Variants in SLC19A1 observed in about 807,000 individuals in gnomAD.
SLC19A1 encodes solute carrier family 19 member 1.
In SLC19A1, 37 loss-of-function variants were observed where a neutral mutation model predicts 35.3. That is an observed-to-expected ratio of 1.05 (90% CI 0.81 to 1.38). The LOEUF (loss-of-function observed/expected upper bound fraction) is 1.38, where lower values mean the gene tolerates loss of function less well. Among genes scored for constraint, SLC19A1 ranks in the 40% most tolerant of loss-of-function variants. SLC19A1 has a pLI of 0.00. For missense variants in SLC19A1, 831 were observed against 826.9 expected (o/e 1.00, Z -0.06); for synonymous variants, 460 against 398.5 (o/e 1.15, Z -1.84).
chr21:45,512,304 T>A (rs1568957369), downstream of SLC19A1: 2 of 1,612,376 alleles, frequency 1.2e-6, no homozygotes, highest in Admixed American at 3.3e-5. Flanking sequence ...TCCTCGCTGC[T>A]GGGGGGCAGG....
intron 5 of SLC19A1, among the ~76,000 whole-genome samples, chr21:45,520,152 C>T (rs1244075014): frequency 2.6e-5 from 4 of 151,990 alleles, no homozygotes; most frequent in African/African-American, 4.8e-5. Context: ...AAAACACAGC[C>T]TATTAAGATT....
intron 3 of SLC19A1, among the ~76,000 whole-genome samples, chr21:45,504,752 C>G (rs1481702265): frequency 6.6e-6 from 1 of 152,114 alleles, no homozygotes. Flanking sequence ...CCCGGACACC[C>G]CCCGTCCCCC....
In SLC19A1 at chr21:45,534,641, GCAGAGCTCCCCCTTGGCAGCCACC is replaced by G. The variant is rs763557045; in HGVS notation, c.190-2517_190-2494del. 1 of 1,529,922 alleles carries G rather than the reference GCAGAGCTCCCCCTTGGCAGCCACC, an allele frequency of 6.5e-7. No homozygotes were observed. The highest frequency in any genetic ancestry group is 1.2e-5 in the South Asian group (1 of 83,920). The allele number at this position is 1,529,922 out of a possible 1,614,324, so 94.8% of individuals were successfully genotyped here. A position where few individuals can be genotyped will look rare whatever the true frequency, so the allele number is the denominator to read the frequency against. On this transcript the variant is annotated intron_variant, in intron 2 of 5. Coordinates refer to ENST00000311124, the MANE Select transcript of SLC19A1 (RefSeq NM_194255.4). This position sits in a 1 kb window ranked among gnomAD's most constrained non-coding sequence, Gnocchi z 4.2. ...CCTGGTCTTAGTTGAGGGTCTGAGCGCAGAGCTCCCCCTTGGCAGCCACCCAGAGCCCTCCCGCTCCTCTCCCTG... is the reference window on the plus strand; with the variant it reads ...CCTGGTCTTAGTTGAGGGTCTGAGCGCAGAGCCCTCCCGCTCCTCTCCCTG...
Position 45,517,043 on chromosome 21 carries a change from C to T in SLC19A1, c.1294-903G>A, listed in dbSNP as rs563937253. Reference sequence around the variant, plus strand: ...GAGGAGGACAGACTGACCAGGCCCTCGGGGTCTGGGGAGCTGTGCCACACA... The same window carrying T: ...GAGGAGGACAGACTGACCAGGCCCTTGGGGTCTGGGGAGCTGTGCCACACA... On this transcript the variant is annotated intron_variant, in intron 5 of 5. Coordinates refer to ENST00000311124, the MANE Select transcript of SLC19A1 (RefSeq NM_194255.4). This position sits in a 1 kb window ranked among gnomAD's most constrained non-coding sequence, Gnocchi z 4.4. Among the ~76,000 whole-genome samples, 2 of 152,064 alleles carry T rather than the reference C, an allele frequency of 1.3e-5. No homozygotes were observed. Among genetic ancestry groups the T allele is most frequent in the Non-Finnish European group, 2.9e-5 (2 of 67,984 alleles).
chr21:45,518,507 C>T (rs2038078076), intron 5 of SLC19A1, among the ~76,000 whole-genome samples: 1 of 152,156 alleles, frequency 6.6e-6, no homozygotes, highest in South Asian at 2.1e-4. Flanking sequence ...ATTCATGAAG[C>T]TGAGCAAACC....
exon 1 of SLC19A1, among the ~76,000 whole-genome samples, chr21:45,562,751 C>T (rs1031827170): frequency 1.3e-5 from 2 of 152,114 alleles, no homozygotes; most frequent in Non-Finnish European, 1.5e-5. Flanking sequence ...CGGTAGATTC[C>T]AACAATCCGC....
chr21:45,532,214 C>A, intron 2 of SLC19A1, 66 bp from the exon 3 acceptor site: 1 of 1,373,410 alleles, frequency 7.3e-7, no homozygotes, highest in South Asian at 1.3e-5. Flanking sequence ...AGACACAGCC[C>A]GCCCGAGGTG....
chr21:45,550,470 A>G (rs1403115190), intron 1 of SLC19A1, among the ~76,000 whole-genome samples: 1 of 152,178 alleles, frequency 6.6e-6, no homozygotes, highest in Non-Finnish European at 1.5e-5. Flanking sequence ...CTGGTTCTCC[A>G]GCTGGAATTT....
chr21:45,525,734 C>T (rs2077587880), intron 5 of SLC19A1, 83 bp downstream of exon 5: 1 of 1,508,440 alleles, frequency 6.6e-7, no homozygotes, highest in Non-Finnish European at 9.0e-7. Flanking sequence ...GTGGGCTCCA[C>T]ATCAGGCGGG....
At chr21:45,562,759 C>T (rs1012506917) in exon 1 of SLC19A1, among the ~76,000 whole-genome samples, 6 of 152,144 alleles carry the variant, frequency 3.9e-5, no homozygotes, top group African/African-American at 1.2e-4. Flanking sequence ...TCCAACAATC[C>T]GCAGAAGATC....
downstream of SLC19A1, chr21:45,507,745 G>A (rs1217107659): frequency 1.3e-6 from 1 of 762,548 alleles, no homozygotes; most frequent in African/African-American, 1.7e-5. Context: ...AACTGGTGCA[G>A]GACACCCCAC....
At chr21:45,512,450 C>T, downstream of SLC19A1, 1 of 1,568,212 alleles carries the variant, frequency 6.4e-7, no homozygotes, top group South Asian at 1.1e-5. Context: ...GGAGGAAGCC[C>T]CCACCGTGGG....
At chr21:45,505,922 G>C (rs1335050702) in intron 3 of SLC19A1, 5 of 1,613,210 alleles carry the variant, frequency 3.1e-6, no homozygotes, top group East Asian at 2.2e-5. Flanking sequence ...GGCCGAGCAG[G>C]AGGAGCTCTA....
intron 1 of SLC19A1, among the ~76,000 whole-genome samples, chr21:45,541,203 C>T (rs2078292516): frequency 6.6e-6 from 1 of 152,182 alleles, no homozygotes; most frequent in Non-Finnish European, 1.5e-5. Context: ...TTATAAAAAT[C>T]CACCAAAGCC....
chr21:45,529,829 G>T (rs973509187), intron 4 of SLC19A1, among the ~76,000 whole-genome samples: 14 of 149,110 alleles, frequency 9.4e-5, no homozygotes, highest in African/African-American at 3.4e-4. Flanking sequence ...TGAGTGTGTG[G>T]TGTGTCTGTG....
chr21:45,532,207 C>CA (rs1249034761), intron 2 of SLC19A1, 59 bp from the exon 3 acceptor site: 15 of 1,424,878 alleles, frequency 1.1e-5, no homozygotes, highest in African/African-American at 1.4e-5. Context: ...CTGCGGCAGA[C>CA]ACAGCCCGCC....
chr21:45,549,765 G>A (rs1228266976), intron 1 of SLC19A1, among the ~76,000 whole-genome samples: 2 of 125,516 alleles, frequency 1.6e-5, no homozygotes, highest in African/African-American at 6.2e-5. Flanking sequence ...GTTGGTGGTG[G>A]GGAGGGGGAC....
rs1390022398 is a variant in SLC19A1, at chr21:45,537,840, C to T, written c.120G>A (p.Gln40=). 5.0e-6 allele frequency: 8 copies of T among 1,607,956 alleles called. No homozygotes were observed. The South Asian group carries it at 8.8e-5, about 18-fold the overall frequency. ...TGATGAAGCTCTCCCCTGGCCGTAT[C>T]TGCGCCATGAAGCCGTAGAAGCAAA... is the stretch of plus-strand genomic sequence containing the variant. ...CYLCFYGFMA[Q]IRPGESFITP... Residue 40 remains glutamine (Q), a synonymous_variant, in exon 2 of 6, where the codon CAG becomes CAA. Transcript: ENST00000311124.
At chr21:45,509,227 C>T (rs545371196), downstream of SLC19A1, 265 of 1,287,000 alleles carry the variant, frequency 2.1e-4, 1 homozygote, top group East Asian at 6.4e-3. Flanking sequence ...GCCCCAGAGT[C>T]GGGGGCGCAG....
Sources: allele counts gnomAD v4.1 joint callset (sites outside exome capture counted in the v4.1 genomes callset), GRCh38; gene constraint gnomAD v4.1.1; non-coding constraint Gnocchi (gnomAD v3.1); transcripts MANE v1.5; gene names NCBI Gene and HGNC (gene_info 2026-07-23, HGNC 2026-07-21).